Variants in SPATS2 observed in about 807,000 individuals in gnomAD.
SPATS2 encodes the protein spermatogenesis associated serine rich 2.
SPATS2 carries 38 observed loss-of-function variants against 63.7 expected under a neutral mutation model. The ratio of observed to expected loss-of-function variants is 0.60; its 90% CI spans 0.46 to 0.78. The LOEUF (loss-of-function observed/expected upper bound fraction) is 0.78. SPATS2 is among the 30% of genes least tolerant of loss of function. SPATS2 has a pLI of 0.00. For missense variants in SPATS2, 588 were observed against 666.2 expected (o/e 0.88, Z 1.29); for synonymous variants, 207 against 232.9 (o/e 0.89, Z 1.01).
intron 3 of SPATS2, among the ~76,000 whole-genome samples, chr12:49,466,324 G>A (rs993119247): frequency 6.6e-6 from 1 of 151,800 alleles, no homozygotes; most frequent in Non-Finnish European, 1.5e-5. Flanking sequence ...CACCACGCCC[G>A]GCTAATTTTT....
chr12:49,437,157 CG>C (rs1489220227), intron 2 of SPATS2, among the ~76,000 whole-genome samples: 1 of 150,304 alleles, frequency 6.7e-6, no homozygotes, highest in Non-Finnish European at 1.5e-5. Context: ...TCAGACGGGG[CG>C]GTTGCCAGGC....
At position 49,460,902 on chromosome 12, in the gene SPATS2, C is replaced by A; in HGVS notation, c.-111C>A. ...AGCAGGATTTCGTATTTTTTGCTTC[C>A]AACTGCACACTTCCGTTGCCCACTT... is the stretch of plus-strand genomic sequence containing the variant. On this transcript the variant is annotated 5_prime_UTR_variant, in exon 3 of 14. Coordinates refer to ENST00000552918, the MANE Select transcript of SPATS2 (RefSeq NM_023071.4). The A allele has an allele frequency of 8.0e-7, 1 of 1,256,076 alleles. No homozygotes were observed. Among genetic ancestry groups the A allele is most frequent in the Non-Finnish European group, 1.1e-6 (1 of 883,750 alleles). 77.8% of individuals were successfully genotyped at this position (1,256,076 alleles called of 1,614,324 possible).
At chr12:49,386,866 G>A (rs1042340157) in intron 2 of SPATS2, among the ~76,000 whole-genome samples, 1 of 152,106 alleles carries the variant, frequency 6.6e-6, no homozygotes, top group Non-Finnish European at 1.5e-5. Flanking sequence ...AGTGGGTAAA[G>A]GACAAGATCA....
At chr12:49,517,983 A>G (rs79865869) in intron 10 of SPATS2, among the ~76,000 whole-genome samples, 2,052 of 152,254 alleles carry the variant, frequency 0.013, 46 homozygotes, top group African/African-American at 0.041. Flanking sequence ...AAATGAGAAT[A>G]TGTTCACCAC....
rs537092812 is a variant in SPATS2 at position 49,395,549 on chromosome 12, C to T, written c.-244+24259C>T. 2.7e-3 allele frequency among the ~76,000 whole-genome samples: 404 copies of T among 152,096 alleles called. 2 individuals carry two copies. The highest frequency in any genetic ancestry group is 9.5e-3 in the African/African-American group (394 of 41,482). On this transcript the variant is annotated intron_variant, in intron 2 of 13. Coordinates refer to ENST00000552918, the MANE Select transcript of SPATS2 (RefSeq NM_023071.4). ...AAGTGATTCTCCCGCCTCAGCCTCC[C>T]GAGTAGCTGGGATTACAGGCGCCCA... is the stretch of plus-strand genomic sequence containing the variant.
intron 2 of SPATS2, among the ~76,000 whole-genome samples, chr12:49,380,723 A>G (rs560898499): frequency 6.6e-6 from 1 of 151,716 alleles, no homozygotes; most frequent in Admixed American, 6.6e-5. Context: ...AAATATATAT[A>G]TATATTTATC....
chr12:49,417,275 TC>T (rs1463825211), intron 2 of SPATS2, among the ~76,000 whole-genome samples: 1 of 152,256 alleles, frequency 6.6e-6, no homozygotes, highest in Non-Finnish European at 1.5e-5. Flanking sequence ...ATAAGTAACA[TC>T]TTTGCAAGGG....
intron 2 of SPATS2, among the ~76,000 whole-genome samples, chr12:49,434,070 T>G (rs1311628046): frequency 2.0e-5 from 3 of 152,210 alleles, no homozygotes; most frequent in Non-Finnish European, 1.5e-5. Context: ...GGCCCCTTTG[T>G]TGAAGATCTT....
In SPATS2 at chr12:49,527,271, T is replaced by A. The variant is rs1192355642; in HGVS notation, c.*1016T>A. 3 of 148,252 alleles carry A rather than the reference T, an allele frequency of 2.0e-5. No homozygotes were observed. Among genetic ancestry groups the A allele is most frequent in the Non-Finnish European group, 4.5e-5 (3 of 66,738 alleles). 9.2% of individuals were successfully genotyped at this position (148,252 alleles called of 1,614,324 possible). ...TTTTTCTGTTTTAATGTTTGGAGACTTTTTTTTTTGTTCTCTCCCTTTCCT... is the reference window on the plus strand; with the variant it reads ...TTTTTCTGTTTTAATGTTTGGAGACATTTTTTTTTGTTCTCTCCCTTTCCT... On this transcript the variant is annotated 3_prime_UTR_variant, in exon 14 of 14. Coordinates refer to ENST00000552918, the MANE Select transcript of SPATS2 (RefSeq NM_023071.4).
chr12:49,492,035 A>G (rs1946391132), intron 6 of SPATS2, among the ~76,000 whole-genome samples: 1 of 152,174 alleles, frequency 6.6e-6, no homozygotes. Context: ...AACAAAAACC[A>G]GGCTTGGCCT....
intron 9 of SPATS2, among the ~76,000 whole-genome samples, chr12:49,510,148 T>C (rs1184391061): frequency 6.6e-6 from 1 of 150,592 alleles, no homozygotes; most frequent in Non-Finnish European, 1.5e-5. Context: ...CCTTTAATCC[T>C]AGCTACTCAG....
At chr12:49,415,376 T>C (rs557640993) in intron 2 of SPATS2, among the ~76,000 whole-genome samples, 54 of 152,308 alleles carry the variant, frequency 3.5e-4, no homozygotes, top group African/African-American at 1.2e-3. Flanking sequence ...AAATGTTTGC[T>C]ATATGGGAAG....
chr12:49,503,648 CA>C (rs147728331), intron 9 of SPATS2, among the ~76,000 whole-genome samples: 118 of 139,060 alleles, frequency 8.5e-4, no homozygotes, highest in Non-Finnish European at 8.0e-4. Context: ...GACTCCATCT[CA>C]AAAAAAAAAA....
intron 2 of SPATS2, among the ~76,000 whole-genome samples, chr12:49,398,333 GGCTTATGTTCAA>G (rs1316831804): frequency 1.3e-5 from 2 of 151,964 alleles, no homozygotes; most frequent in East Asian, 3.8e-4. Flanking sequence ...GACACGAACA[GGCTTATGTTCAA>G]TGTAGAAGGA....
chr12:49,374,144 T>C (rs1413553974), intron 2 of SPATS2, among the ~76,000 whole-genome samples: 1 of 152,140 alleles, frequency 6.6e-6, no homozygotes, highest in Admixed American at 6.6e-5. Context: ...TTTTTATTTT[T>C]TTTGGAAACA....
At chr12:49,483,763 G>GT (rs1946244999) in intron 3 of SPATS2, among the ~76,000 whole-genome samples, 1 of 152,116 alleles carries the variant, frequency 6.6e-6, no homozygotes, top group South Asian at 2.1e-4. Flanking sequence ...GCAGAGATCA[G>GT]TAATATTGTT....
At chr12:49,398,394 C>G (rs1944550692) in intron 2 of SPATS2, among the ~76,000 whole-genome samples, 1 of 151,966 alleles carries the variant, frequency 6.6e-6, no homozygotes, top group African/African-American at 2.4e-5. Flanking sequence ...TGGAACGTTA[C>G]AGAATATTGG....
intron 3 of SPATS2, among the ~76,000 whole-genome samples, chr12:49,471,558 T>C (rs1184269184): frequency 6.6e-6 from 1 of 152,154 alleles, no homozygotes; most frequent in East Asian, 1.9e-4. Context: ...TATCAAGTTT[T>C]AGGTTTCAAG....
intron 2 of SPATS2, among the ~76,000 whole-genome samples, chr12:49,396,356 T>C (rs575494886): frequency 6.6e-6 from 1 of 152,308 alleles, no homozygotes; most frequent in African/African-American, 2.4e-5. Flanking sequence ...TCTCCTTGTC[T>C]TCATCGTGTT....
Sources: gnomAD v4.1 joint callset for allele counts (sites outside exome capture counted in the v4.1 genomes callset) on GRCh38, gnomAD v4.1.1 for gene constraint, MANE v1.5 for transcripts, NCBI Gene and HGNC (gene_info 2026-07-23, HGNC 2026-07-21) for gene names.